RAD51B: variants seen among roughly 807,000 people sequenced by gnomAD.
RAD51B encodes the protein DNA repair protein RAD51 homolog 2.
In RAD51B, 38 loss-of-function variants were observed where a neutral mutation model predicts 42.2. The ratio of observed to expected loss-of-function variants is 0.90; its 90% CI spans 0.70 to 1.18. The LOEUF is 1.18. Ranked by LOEUF, RAD51B falls within the 50% of genes most tolerant of loss-of-function variation. RAD51B has a pLI of 0.00. For missense variants in RAD51B, 373 were observed against 400.7 expected, an observed-to-expected ratio of 0.93 and a Z score of 0.59; for synonymous variants, 154 against 145.2, an observed-to-expected ratio of 1.06 and a Z score of -0.43.
At chr14:68,525,273 A>C in intron 10 of RAD51B, among the ~76,000 whole-genome samples, 1 of 152,274 alleles carries the variant, frequency 6.6e-6, no homozygotes, top group Admixed American at 6.5e-5. Context: ...GCCTCTAGAA[A>C]GGAACATCGC....
chr14:68,091,324 T>C (rs542234903), intron 7 of RAD51B, among the ~76,000 whole-genome samples: 1 of 152,196 alleles, frequency 6.6e-6, no homozygotes, highest in Non-Finnish European at 1.5e-5. Context: ...ACCAACAGTG[T>C]AAAAGTGTTC....
intron 7 of RAD51B, among the ~76,000 whole-genome samples, chr14:68,088,881 A>G (rs1405293387): frequency 6.6e-6 from 1 of 152,106 alleles, no homozygotes; most frequent in Non-Finnish European, 1.5e-5. Context: ...CTTCCTAATT[A>G]AGTGGTGAGG....
At chr14:67,930,588 G>A (rs976248322) in intron 7 of RAD51B, among the ~76,000 whole-genome samples, 7 of 152,134 alleles carry the variant, frequency 4.6e-5, no homozygotes, top group Non-Finnish European at 8.8e-5. Flanking sequence ...CTTTGTAGGT[G>A]ACTAGACATT....
In RAD51B at chr14:68,071,974, C is replaced by T. The variant is rs184349196; in HGVS notation, c.756+184770C>T. On this transcript the variant is annotated intron_variant, in intron 7 of 10. Transcript: ENST00000471583. ...TGTTCAGGGATTCAATTTCTTTCTGCTTCAATCTTGGGATGTTGTATGTTT... is the reference window on the plus strand; with the variant it reads ...TGTTCAGGGATTCAATTTCTTTCTGTTTCAATCTTGGGATGTTGTATGTTT... Among the ~76,000 whole-genome samples the T allele has an allele frequency of 1.2e-4, 17 of 146,518 alleles. No homozygotes were observed. In the East Asian group the frequency reaches 3.3e-3, roughly 29 times the overall value.
At chr14:67,881,770 TA>T (rs2042913911) in intron 5 of RAD51B, among the ~76,000 whole-genome samples, 1 of 152,232 alleles carries the variant, frequency 6.6e-6, no homozygotes, top group African/African-American at 2.4e-5. Flanking sequence ...TTCTACTTAT[TA>T]TTTTAGTGCA....
intron 5 of RAD51B, among the ~76,000 whole-genome samples, chr14:67,865,370 G>A (rs1419654050): frequency 6.6e-6 from 1 of 151,286 alleles, no homozygotes; most frequent in Admixed American, 6.6e-5. Context: ...CCGAGTAGCT[G>A]AGACTACAGG....
At chr14:67,830,881 ACT>A (rs2041014126) in intron 3 of RAD51B, among the ~76,000 whole-genome samples, 2 of 140,242 alleles carry the variant, frequency 1.4e-5, no homozygotes. Flanking sequence ...TCAATTTAGT[ACT>A]TGTGTAATTT....
chr14:68,299,829 T>C (rs1211110550), intron 8 of RAD51B, among the ~76,000 whole-genome samples: 1 of 152,236 alleles, frequency 6.6e-6, no homozygotes, highest in African/African-American at 2.4e-5. Context: ...CACATGGGTA[T>C]TGGGAAGGTT....
At chr14:68,324,614 A>G (rs1220805048) in intron 8 of RAD51B, among the ~76,000 whole-genome samples, 2 of 152,240 alleles carry the variant, frequency 1.3e-5, no homozygotes, top group Admixed American at 1.3e-4. Flanking sequence ...TACTTAAGAT[A>G]GAAACTTTTG....
intron 8 of RAD51B, among the ~76,000 whole-genome samples, chr14:68,372,661 G>A (rs2083287855): frequency 6.6e-6 from 1 of 152,158 alleles, no homozygotes; most frequent in Non-Finnish European, 1.5e-5. Flanking sequence ...ACTTTAAAGA[G>A]GGAAGAAAGT....
At chr14:68,490,487 G>A (rs1232526117) in intron 10 of RAD51B, among the ~76,000 whole-genome samples, 4 of 152,150 alleles carry the variant, frequency 2.6e-5, no homozygotes, top group African/African-American at 4.8e-5. Flanking sequence ...TAAGTGATTC[G>A]TTTCTGGTAG....
chr14:67,869,700 C>T (rs1292411111), intron 5 of RAD51B, among the ~76,000 whole-genome samples: 3 of 152,086 alleles, frequency 2.0e-5, no homozygotes, highest in Admixed American at 1.3e-4. Flanking sequence ...GGTCGGGTTA[C>T]CCTCAAAGGG....
intron 7 of RAD51B, among the ~76,000 whole-genome samples, chr14:68,215,556 C>T (rs2079797409): frequency 6.6e-6 from 1 of 152,190 alleles, no homozygotes; most frequent in African/African-American, 2.4e-5. Context: ...GAAACTGTGG[C>T]TCAAAGTGTT....
intron 4 of RAD51B, among the ~76,000 whole-genome samples, chr14:67,848,030 T>C (rs1010579353): frequency 6.6e-6 from 1 of 152,210 alleles, no homozygotes; most frequent in Non-Finnish European, 1.5e-5. Flanking sequence ...TTTTTGTTGT[T>C]GTTGTTAAGA....
At chr14:68,563,793 A>G (rs1233454093) in intron 10 of RAD51B, 1 of 985,312 alleles carries the variant, frequency 1.0e-6, no homozygotes, top group Non-Finnish European at 1.2e-6. Flanking sequence ...TCCGTAAGAA[A>G]CGACAGCTCG....
At chr14:68,027,317 C>T (rs1297346108) in intron 7 of RAD51B, among the ~76,000 whole-genome samples, 1 of 151,938 alleles carries the variant, frequency 6.6e-6, no homozygotes, top group East Asian at 1.9e-4. Context: ...TGTCTGTGTG[C>T]CTCGGGGATG....
At chr14:67,872,603 G>A (rs1259247679) in intron 5 of RAD51B, among the ~76,000 whole-genome samples, 4 of 150,044 alleles carry the variant, frequency 2.7e-5, no homozygotes, top group Non-Finnish European at 5.9e-5. Context: ...AAGTTCATAT[G>A]GAACCAAAAA....
chr14:68,664,114 G>C (rs1365038478), intron 11 of RAD51B, among the ~76,000 whole-genome samples: 1 of 152,194 alleles, frequency 6.6e-6, no homozygotes, highest in Non-Finnish European at 1.5e-5. Flanking sequence ...CCAAACAGGA[G>C]TAAGAAAAAA....
intron 7 of RAD51B, among the ~76,000 whole-genome samples, chr14:68,159,579 C>T (rs1294777540): frequency 1.3e-5 from 2 of 148,666 alleles, no homozygotes; most frequent in Non-Finnish European, 3.0e-5. Flanking sequence ...GAGATCGCAC[C>T]ACTGTGCTCC....
Sources: allele counts gnomAD v4.1 joint callset (sites outside exome capture counted in the v4.1 genomes callset), GRCh38; gene constraint gnomAD v4.1.1; transcripts MANE v1.5; gene names NCBI Gene and HGNC (gene_info 2026-07-23, HGNC 2026-07-21).